Variants in VPS13B observed in about 807,000 individuals in gnomAD.
VPS13B encodes intermembrane lipid transfer protein VPS13B.
A neutral mutation model predicts 426.4 loss-of-function variants in VPS13B; 285 were observed. The observed-to-expected ratio is 0.67, with a 90% CI of 0.61 to 0.74. The LOEUF (loss-of-function observed/expected upper bound fraction) is 0.74, where lower values mean the gene tolerates loss of function less well. Among genes scored for constraint, VPS13B ranks in the 30% least tolerant of loss-of-function variants. The pLI, the probability that VPS13B is intolerant of heterozygous loss-of-function variation, is 0.00. For missense variants in VPS13B, 4,537 were observed against 4,782.6 expected (o/e 0.95, Z 1.51); for synonymous variants, 1,676 against 1,676.4 (o/e 1.00, Z 0.01).
Position 99,575,773 on chromosome 8 carries a change from T to A in VPS13B, c.5065T>A (p.Leu1689Met), listed in dbSNP as rs192416968. ...IFTKVVSPEN[L>M]HTEEILVCGH... ...CACCAAAGTAGTTTCTCCAGAAAAT[T>A]TGCATACTGAGGTTAGAACATAATT... Residue 1689 changes from leucine (L) to methionine (M), a missense_variant, in exon 32 of 62, where the codon TTG becomes ATG. Leu to Met is a conservative substitution (Grantham distance 15). Around this residue, in one of 2 missense-constraint regions of VPS13B, gnomAD observed 4,311 missense variants for 4,474.3 expected, o/e 0.96. Coordinates refer to ENST00000357162, the MANE Select transcript of VPS13B (RefSeq NM_152564.5). The A allele has an allele frequency of 2.5e-6, 4 of 1,613,616 alleles. No homozygotes were observed. In the African/African-American group the frequency reaches 5.3e-5, roughly 22 times the overall value.
At chr8:99,752,637 G>C (rs1029209951) in intron 39 of VPS13B, among the ~76,000 whole-genome samples, 2 of 152,108 alleles carry the variant, frequency 1.3e-5, no homozygotes, top group African/African-American at 4.8e-5. Flanking sequence ...ATGCTAAGTT[G>C]ACTTTTTTCT....
intron 7 of VPS13B, among the ~76,000 whole-genome samples, chr8:99,117,119 GA>G (rs2132502477): frequency 6.6e-6 from 1 of 152,180 alleles, no homozygotes; most frequent in South Asian, 2.1e-4. Context: ...AATTTCCATA[GA>G]TAAAGCCCTA....
intron 19 of VPS13B, among the ~76,000 whole-genome samples, chr8:99,311,633 G>T (rs970815999): frequency 2.6e-5 from 4 of 152,212 alleles, no homozygotes; most frequent in Non-Finnish European, 5.9e-5. Context: ...GTGCTGAGAA[G>T]AATGTATATT....
chr8:99,854,181 C>G lies in VPS13B; in HGVS notation c.10792C>G (p.Pro3598Ala). Residue 3598 changes from proline (P) to alanine (A), a missense_variant, in exon 56 of 62, where the codon CCC becomes GCC. Physicochemically the swap from Pro to Ala is conservative, Grantham distance 27 (BLOSUM62 -1). This residue lies in a region of VPS13B where 4,311 missense variants were observed against 4,474.3 expected (regional missense o/e 0.96). Coordinates refer to ENST00000357162, the MANE Select transcript of VPS13B (RefSeq NM_152564.5). ...PLSFSVFERG[P>A]IFTTARQLVH... ...CTCCTTCTCGGTGTTTGAAAGAGGA[C>G]CCATCTTCACCACTGCGAGGCAGCT... 6.2e-7 allele frequency: 1 copy of G among 1,613,988 alleles called. No homozygotes were observed. The highest frequency in any genetic ancestry group is 1.3e-5 in the African/African-American group (1 of 75,022).
chr8:99,606,858 G>A (rs1827620769), intron 33 of VPS13B, among the ~76,000 whole-genome samples: 1 of 152,108 alleles, frequency 6.6e-6, no homozygotes, highest in South Asian at 2.1e-4. Flanking sequence ...CATCTTCGAT[G>A]CCAACAGTGG....
At chr8:99,683,386 A>G (rs1831236267) in intron 35 of VPS13B, among the ~76,000 whole-genome samples, 1 of 145,672 alleles carries the variant, frequency 6.9e-6, no homozygotes, top group African/African-American at 2.5e-5. Flanking sequence ...TTTAAAATAA[A>G]TATTTCTGGG....
intron 35 of VPS13B, among the ~76,000 whole-genome samples, chr8:99,678,459 C>A (rs150450193): frequency 6.6e-6 from 1 of 152,112 alleles, no homozygotes; most frequent in Non-Finnish European, 1.5e-5. Flanking sequence ...ATCTTAACTA[C>A]CCCCTTCCTC....
Position 99,846,809 on chromosome 8 carries a change from T to C in VPS13B, c.9943-1967T>C, listed in dbSNP as rs1431597745. ...CTTAGAAAGTGTAAGTATCCTCATTTCATAATGCCTGAAAATCACTTAGAG... is the reference window on the plus strand; with the variant it reads ...CTTAGAAAGTGTAAGTATCCTCATTCCATAATGCCTGAAAATCACTTAGAG... On this transcript the variant is annotated intron_variant, in intron 54 of 61. Coordinates refer to ENST00000357162, the MANE Select transcript of VPS13B (RefSeq NM_152564.5). Among the ~76,000 whole-genome samples the C allele has an allele frequency of 1.6e-4, 25 of 152,244 alleles. 1 individual carries two copies. The highest frequency in any genetic ancestry group is 3.7e-4 in the Non-Finnish European group (25 of 68,048).
At chr8:99,125,913 T>C (rs933264879) in intron 8 of VPS13B, among the ~76,000 whole-genome samples, 4 of 151,958 alleles carry the variant, frequency 2.6e-5, no homozygotes, top group Admixed American at 6.6e-5. Context: ...CTGGTTGGGG[T>C]TGTGGAGCTA....
chr8:99,221,846 C>G (rs994327046), intron 17 of VPS13B, among the ~76,000 whole-genome samples: 1 of 152,316 alleles, frequency 6.6e-6, no homozygotes, highest in East Asian at 1.9e-4. Context: ...GCAGCTGATA[C>G]TACAGCTGTG....
intron 19 of VPS13B, among the ~76,000 whole-genome samples, chr8:99,289,091 GAAAGAAAAA>G: frequency 6.6e-6 from 1 of 151,804 alleles, no homozygotes; most frequent in Non-Finnish European, 1.5e-5. Flanking sequence ...AGGAAAGAAA[GAAAGAAAAA>G]GAAAGAAAGA....
At chr8:99,173,882 G>A (rs1462117595) in intron 16 of VPS13B, among the ~76,000 whole-genome samples, 2 of 152,120 alleles carry the variant, frequency 1.3e-5, no homozygotes, top group Non-Finnish European at 2.9e-5. Context: ...TTGATTCAAG[G>A]CTCGATCAAC....
intron 39 of VPS13B, among the ~76,000 whole-genome samples, chr8:99,735,238 T>C (rs1387827421): frequency 6.6e-6 from 1 of 152,088 alleles, no homozygotes; most frequent in East Asian, 1.9e-4. Context: ...AAATAAATAG[T>C]AGATGAGTAA....
At chr8:99,580,984 A>AACACACACACACACACACAC in intron 33 of VPS13B, among the ~76,000 whole-genome samples, 1 of 126,684 alleles carries the variant, frequency 7.9e-6, no homozygotes, top group East Asian at 2.4e-4. Context: ...ATCTCTACAA[A>AACACACACACACACACACAC]ACACACACAC....
At chr8:99,396,682 T>C (rs1344563951) in intron 21 of VPS13B, among the ~76,000 whole-genome samples, 1 of 152,090 alleles carries the variant, frequency 6.6e-6, no homozygotes, top group East Asian at 1.9e-4. Flanking sequence ...GGCACTAAGA[T>C]AGTGAAAGAT....
At chr8:99,183,625 T>C (rs1156370525) in intron 16 of VPS13B, among the ~76,000 whole-genome samples, 1 of 152,188 alleles carries the variant, frequency 6.6e-6, no homozygotes, top group Non-Finnish European at 1.5e-5. Context: ...GGGTATTTTT[T>C]CTTTTGAATT....
At chr8:99,332,064 CT>C (rs1349687930) in intron 19 of VPS13B, among the ~76,000 whole-genome samples, 1 of 151,530 alleles carries the variant, frequency 6.6e-6, no homozygotes, top group Non-Finnish European at 1.5e-5. Context: ...TAGAATAGAG[CT>C]TTGTTTTTAT....
chr8:99,209,508 C>T (rs752609175), intron 17 of VPS13B: 2 of 172,264 alleles, frequency 1.2e-5, no homozygotes, highest in Non-Finnish European at 2.5e-5. Flanking sequence ...AAGTATATAG[C>T]TTCTTTACAG....
At chr8:99,324,028 G>C (rs1349710720) in intron 19 of VPS13B, among the ~76,000 whole-genome samples, 2 of 152,166 alleles carry the variant, frequency 1.3e-5, no homozygotes, top group African/African-American at 4.8e-5. Context: ...TGAGTTACAA[G>C]CATCCAGATA....
Sources: allele counts gnomAD v4.1 joint callset (sites outside exome capture counted in the v4.1 genomes callset), GRCh38; gene constraint gnomAD v4.1.1; regional missense constraint gnomAD v4.1.1; transcripts MANE v1.5; gene names NCBI Gene and HGNC (gene_info 2026-07-23, HGNC 2026-07-21).